The following DAPK1 variants were observed in gnomAD, a reference collection of about 807,000 sequenced individuals.
The protein encoded by DAPK1 is death associated protein kinase 1.
A neutral mutation model predicts 144.9 loss-of-function variants in DAPK1; 56 were observed. The observed-to-expected ratio is 0.39, with a 90% CI of 0.31 to 0.48. DAPK1 has a LOEUF of 0.48. Ranked by LOEUF, DAPK1 falls within the 20% of genes least tolerant of loss-of-function variation. The probability of loss-of-function intolerance (pLI) is 0.95; values close to 1 mark genes in which losing one functional copy is unlikely to be tolerated. For missense variants in DAPK1, 1,454 were observed against 1,875.4 expected (o/e 0.78, Z 4.15); for synonymous variants, 690 against 749.0 (o/e 0.92, Z 1.29).
intron 2 of DAPK1, among the ~76,000 whole-genome samples, chr9:87,521,288 C>T (rs1825289352): frequency 6.6e-6 from 1 of 152,170 alleles, no homozygotes. Flanking sequence ...CCAGCACAGG[C>T]AGGCTGGAGC....
At chr9:87,640,118 C>G (rs899409445) in intron 7 of DAPK1, among the ~76,000 whole-genome samples, 180 bp from the exon 8 acceptor site, 2 of 152,192 alleles carry the variant, frequency 1.3e-5, no homozygotes, top group African/African-American at 4.8e-5. Context: ...TTAAGTGAAT[C>G]CTTTTGCCTG....
intron 19 of DAPK1, among the ~76,000 whole-genome samples, chr9:87,676,355 G>C (rs1260548643): frequency 6.6e-6 from 1 of 152,234 alleles, no homozygotes; most frequent in Non-Finnish European, 1.5e-5. Context: ...AGATCATTAC[G>C]TGGATGAAAG....
rs983900668 is a variant in DAPK1, at chr9:87,666,844, G to A, written c.1924-1753G>A. 7.9e-5 allele frequency among the ~76,000 whole-genome samples: 12 copies of A among 152,120 alleles called. No homozygotes were observed. In the East Asian group the frequency reaches 9.6e-4, roughly 12 times the overall value. ...TGAACAGTGGAGAGTTCATCCTGTC[G>A]GTGAAAGGCCTCTGCCTGTGTTTTG... On this transcript the variant is annotated intron_variant, in intron 18 of 25. Transcript: ENST00000408954.
At chr9:87,606,813 C>T (rs1828745774) in intron 3 of DAPK1, among the ~76,000 whole-genome samples, 1 of 136,794 alleles carries the variant, frequency 7.3e-6, no homozygotes, top group Non-Finnish European at 1.6e-5. Context: ...CTTCCTCTCT[C>T]CTTCCTTCCT....
At chr9:87,662,568 T>TTTTTTTTTG (rs1830895031) in intron 18 of DAPK1, among the ~76,000 whole-genome samples, 1 of 132,684 alleles carries the variant, frequency 7.5e-6, no homozygotes, top group East Asian at 2.5e-4. Context: ...TAGTTTTTTT[T>TTTTTTTTTG]TTTTTTTTTT....
intron 3 of DAPK1, chr9:87,633,335 G>A: frequency 1.0e-6 from 1 of 984,998 alleles, no homozygotes; most frequent in Non-Finnish European, 1.2e-6. Flanking sequence ...TATGAAGGAA[G>A]ATGAGTATAT....
intron 2 of DAPK1, among the ~76,000 whole-genome samples, chr9:87,577,402 T>C (rs1827602288): frequency 6.6e-6 from 1 of 152,194 alleles, no homozygotes; most frequent in Non-Finnish European, 1.5e-5. Context: ...AATCTTAGAC[T>C]TCCCTGAGGA....
chr9:87,686,641 G>A lies in DAPK1; in HGVS notation c.2315G>A (p.Gly772Glu). The stretch of plus-strand genomic sequence containing the variant: ...ATGTTCGAGCCGGGTCTTACCAAAG[G>A]GATGCTGGAGGTGTTTGTGGCCCCG... ...SMMFEPGLTK[G>E]MLEVFVAPTH... Residue 772 changes from glycine to glutamate, a missense_variant, in exon 21 of 26, where the codon GGG becomes GAG. Transcript: ENST00000408954. The surrounding 1 kb of genome is among the most constrained non-coding windows in gnomAD (Gnocchi z 4.2). 2 of 1,611,498 alleles carry A rather than the reference G, an allele frequency of 1.2e-6. No individual in the cohort carries two copies. Among genetic ancestry groups the A allele is most frequent in the Non-Finnish European group, 1.7e-6 (2 of 1,177,902 alleles).
At chr9:87,560,435 C>G (rs1488882853) in intron 2 of DAPK1, among the ~76,000 whole-genome samples, 1 of 152,124 alleles carries the variant, frequency 6.6e-6, no homozygotes, top group African/African-American at 2.4e-5. Flanking sequence ...CGTGACACTT[C>G]CCCAGAACTT....
At chr9:87,615,742 A>G (rs1431283530) in intron 3 of DAPK1, among the ~76,000 whole-genome samples, 1 of 152,186 alleles carries the variant, frequency 6.6e-6, no homozygotes, top group African/African-American at 2.4e-5. Flanking sequence ...AAATGATCTC[A>G]TTTAATCCTT....
chr9:87,562,058 G>T (rs1826946284), intron 2 of DAPK1, among the ~76,000 whole-genome samples: 1 of 152,228 alleles, frequency 6.6e-6, no homozygotes, highest in Admixed American at 6.5e-5. Flanking sequence ...ATGGAGAAGA[G>T]ATGCATCGCT....
At chr9:87,498,774 C>G (rs1013841135) in intron 1 of DAPK1, 196 bp from the exon 2 acceptor site, 15 of 433,930 alleles carry the variant, frequency 3.5e-5, no homozygotes, top group South Asian at 3.1e-4. Flanking sequence ...CCCGGCCCCA[C>G]GCGCGCGCGG....
At chr9:87,500,997 A>G (rs954378863) in intron 2 of DAPK1, among the ~76,000 whole-genome samples, 4 of 152,178 alleles carry the variant, frequency 2.6e-5, no homozygotes, top group Non-Finnish European at 5.9e-5. Context: ...AAAATTTTTC[A>G]AGTCCTGATT....
chr9:87,705,719 T>C (rs926360302), intron 25 of DAPK1, among the ~76,000 whole-genome samples: 1 of 152,242 alleles, frequency 6.6e-6, no homozygotes, highest in Non-Finnish European at 1.5e-5. Context: ...AACATTAATA[T>C]AGTACTATGA....
At chr9:87,644,070 C>T (rs546352583) in intron 11 of DAPK1, among the ~76,000 whole-genome samples, 13 of 152,282 alleles carry the variant, frequency 8.5e-5, no homozygotes, top group Non-Finnish European at 1.3e-4. Context: ...TTGAATGTAA[C>T]TCCAACTTTC....
chr9:87,694,897 G>A (rs1825201875), intron 21 of DAPK1, among the ~76,000 whole-genome samples: 2 of 152,210 alleles, frequency 1.3e-5, no homozygotes, highest in African/African-American at 4.8e-5. Flanking sequence ...GCCAGCCTGA[G>A]CTCCCTCTCT....
At chr9:87,540,183 C>CTTTTTT (rs33925780) in intron 2 of DAPK1, among the ~76,000 whole-genome samples, 16 of 66,130 alleles carry the variant, frequency 2.4e-4, no homozygotes, top group Non-Finnish European at 3.0e-4. Flanking sequence ...TTGTTAATCT[C>CTTTTTT]TTTTTTTTTT....
chr9:87,556,650 C>T (rs948356822), intron 2 of DAPK1, among the ~76,000 whole-genome samples: 3 of 152,186 alleles, frequency 2.0e-5, no homozygotes, highest in Non-Finnish European at 4.4e-5. Flanking sequence ...AGGGTTTGGT[C>T]TCTGAAAGGT....
intron 2 of DAPK1, among the ~76,000 whole-genome samples, chr9:87,519,810 C>T (rs956982376): frequency 6.6e-6 from 1 of 152,050 alleles, no homozygotes; most frequent in African/African-American, 2.4e-5. Flanking sequence ...TGTAACTGCT[C>T]TCAGGGGTGT....
Sources: gnomAD v4.1 joint callset for allele counts (sites outside exome capture counted in the v4.1 genomes callset) on GRCh38, gnomAD v4.1.1 for gene constraint, Gnocchi (gnomAD v3.1) non-coding constraint, MANE v1.5 for transcripts, NCBI Gene and HGNC (gene_info 2026-07-23, HGNC 2026-07-21) for gene names.